The following PKHD1 variants were observed in gnomAD, a reference collection of about 807,000 sequenced individuals.
PKHD1 encodes the protein PKHD1 ciliary IPT domain containing fibrocystin/polyductin, also known as fibrocystin.
In PKHD1, 291 loss-of-function variants were observed where a neutral mutation model predicts 412.0. The ratio of observed to expected loss-of-function variants is 0.71; its 90% confidence interval spans 0.64 to 0.78. The LOEUF (loss-of-function observed/expected upper bound fraction) is 0.78, where lower values mean the gene tolerates loss of function less well. PKHD1 is among the 30% of genes least tolerant of loss of function. The pLI is 0.00. For missense variants in PKHD1, 4,825 were observed against 4,950.7 expected (o/e 0.97, Z 0.76); for synonymous variants, 1,777 against 1,821.5 (o/e 0.98, Z 0.62).
intron 60 of PKHD1, among the ~76,000 whole-genome samples, chr6:51,743,760 G>A (rs962804587): frequency 6.6e-6 from 1 of 152,178 alleles, no homozygotes; most frequent in Non-Finnish European, 1.5e-5. Context: ...ACCGGAGCAG[G>A]TTCCAGCTGA....
chr6:51,993,117 T>C (rs1335395684), intron 35 of PKHD1, among the ~76,000 whole-genome samples: 6 of 152,208 alleles, frequency 3.9e-5, no homozygotes, highest in African/African-American at 1.4e-4. Context: ...CCCGTGACAA[T>C]TGTCATAACA....
chr6:51,696,219 C>G (rs1161574592), intron 60 of PKHD1, among the ~76,000 whole-genome samples: 1 of 152,158 alleles, frequency 6.6e-6, no homozygotes, highest in African/African-American at 2.4e-5. Context: ...ACCTGTAGCA[C>G]TTGGAAGGCT....
At chr6:51,778,312 A>T (rs1791400300) in intron 53 of PKHD1, among the ~76,000 whole-genome samples, 1 of 152,162 alleles carries the variant, frequency 6.6e-6, no homozygotes, top group Admixed American at 6.6e-5. Flanking sequence ...AATGGGAGGA[A>T]AAATAATTGT....
At chr6:51,836,514 T>G (rs370061816) in intron 50 of PKHD1, 45 bp from the exon 51 acceptor site, 33 of 1,349,494 alleles carry the variant, frequency 2.4e-5, no homozygotes, top group Non-Finnish European at 3.3e-5. Flanking sequence ...AAAGATCATC[T>G]TAATATTAAA....
intron 36 of PKHD1, among the ~76,000 whole-genome samples, chr6:51,947,971 A>G (rs1452990220): frequency 2.0e-5 from 3 of 152,000 alleles, no homozygotes; most frequent in Non-Finnish European, 2.9e-5. Context: ...CATCCTTGCA[A>G]TTGCTAAGTC....
At chr6:51,722,120 A>G in intron 60 of PKHD1, 1 of 1,593,126 alleles carries the variant, frequency 6.3e-7, no homozygotes, top group Non-Finnish European at 8.6e-7. Flanking sequence ...ATTGCATCCA[A>G]ATGAAAATAC....
Position 51,676,508 on chromosome 6 carries a change from TAGG to T in PKHD1, c.10157-16542_10157-16540del, listed in dbSNP as rs1316879607. Among the ~76,000 whole-genome samples the T allele has an allele frequency of 2.0e-5, 3 of 152,260 alleles. No individual in the cohort carries two copies. The East Asian group carries it at 5.8e-4, about 29-fold the overall frequency. The stretch of plus-strand genomic sequence containing the variant: ...ATATTTCACAATTCATGGTAAAGTG[TAGG>T]AGATTTGACAAAAACAAAATATATA... On this transcript the variant is annotated intron_variant, in intron 60 of 66. Coordinates refer to ENST00000371117, the MANE Select transcript of PKHD1 (RefSeq NM_138694.4).
chr6:51,793,073 C>T (rs887615259), intron 52 of PKHD1, among the ~76,000 whole-genome samples: 3 of 152,124 alleles, frequency 2.0e-5, no homozygotes, highest in African/African-American at 4.8e-5. Flanking sequence ...AAATAAATGT[C>T]GTCCAGATCT....
At position 51,879,067 on chromosome 6, in the gene PKHD1, G is replaced by A. The variant is rs1207653954; in HGVS notation, c.7350+4026C>T. Among the ~76,000 whole-genome samples the A allele has an allele frequency of 5.7e-4, 50 of 88,044 alleles. 2 individuals are homozygous for A. Among genetic ancestry groups the A allele is most frequent in the African/African-American group, 2.6e-3 (50 of 19,212 alleles). 57.8% of individuals were successfully genotyped at this position (88,044 alleles called of 152,430 possible). ...GAATCCAACTTACAAGGGATGTGAA[G>A]GACCTCTTCAAGGAGAACTACAAAC... On this transcript the variant is annotated intron_variant, in intron 46 of 66. Coordinates refer to ENST00000371117, the MANE Select transcript of PKHD1 (RefSeq NM_138694.4).
intron 52 of PKHD1, among the ~76,000 whole-genome samples, chr6:51,793,968 G>T (rs544410422): frequency 2.1e-4 from 32 of 151,860 alleles, no homozygotes; most frequent in Admixed American, 2.1e-3. Flanking sequence ...CACAATGATT[G>T]AACTAATTTA....
At chr6:51,628,344 C>T (rs538762666) in intron 65 of PKHD1, among the ~76,000 whole-genome samples, 23 of 152,282 alleles carry the variant, frequency 1.5e-4, no homozygotes, top group Middle Eastern at 3.4e-3. Flanking sequence ...TTTTCTGTTC[C>T]TGCATTAATT....
At chr6:51,934,042 C>T (rs1787067151) in intron 37 of PKHD1, 68 bp downstream of exon 37, 2 of 1,235,252 alleles carry the variant, frequency 1.6e-6, no homozygotes, top group South Asian at 2.4e-5. Flanking sequence ...GACTTTTAAA[C>T]AGTTTTATCA....
intron 52 of PKHD1, among the ~76,000 whole-genome samples, chr6:51,818,913 C>T (rs1242665684): frequency 1.3e-5 from 2 of 152,110 alleles, no homozygotes; most frequent in Non-Finnish European, 2.9e-5. Context: ...CACCATGGAA[C>T]AGATTTTTAT....
chr6:51,707,549 A>G (rs905119617), intron 60 of PKHD1, among the ~76,000 whole-genome samples: 43 of 152,298 alleles, frequency 2.8e-4, no homozygotes, highest in African/African-American at 9.9e-4. Flanking sequence ...GGATCTTAAC[A>G]GATCCTTTCC....
chr6:51,746,539 A>C (rs941044793), intron 59 of PKHD1, among the ~76,000 whole-genome samples, 182 bp downstream of exon 59: 1 of 152,164 alleles, frequency 6.6e-6, no homozygotes, highest in Non-Finnish European at 1.5e-5. Context: ...TAAAAATCAT[A>C]TATCACAAGG....
chr6:51,954,044 T>C (rs1162351045), intron 36 of PKHD1, among the ~76,000 whole-genome samples: 3 of 152,128 alleles, frequency 2.0e-5, no homozygotes, highest in African/African-American at 7.2e-5. Flanking sequence ...GTTTGCTTTG[T>C]ATATAGAAGC....
At chr6:51,815,010 C>A (rs1661873215) in intron 52 of PKHD1, among the ~76,000 whole-genome samples, 1 of 152,188 alleles carries the variant, frequency 6.6e-6, no homozygotes, top group South Asian at 2.1e-4. Flanking sequence ...AAAATCAGCA[C>A]CTCTTTGTCA....
chr6:52,051,427 T>C (rs906469715), intron 21 of PKHD1, among the ~76,000 whole-genome samples: 9 of 152,190 alleles, frequency 5.9e-5, no homozygotes, highest in Non-Finnish European at 1.3e-4. Flanking sequence ...TTGAGCCCAA[T>C]TGTGTAGTTT....
chr6:51,810,972 T>C (rs914846657), intron 52 of PKHD1, among the ~76,000 whole-genome samples: 4 of 152,226 alleles, frequency 2.6e-5, no homozygotes, highest in Non-Finnish European at 5.9e-5. Flanking sequence ...TATTTAACTA[T>C]AATTTGTGAT....
Sources: allele counts gnomAD v4.1 joint callset (sites outside exome capture counted in the v4.1 genomes callset), GRCh38; gene constraint gnomAD v4.1.1; transcripts MANE v1.5; gene names NCBI Gene and HGNC (gene_info 2026-07-23, HGNC 2026-07-21).